The following CAGE1 variants were observed in gnomAD, a reference collection of about 807,000 sequenced individuals.
The protein encoded by CAGE1 is cancer antigen 1, also known as cancer-associated gene 1 protein.
CAGE1 carries 66 observed loss-of-function variants against 94.9 expected under a neutral mutation model. The observed-to-expected ratio is 0.70, with a 90% CI of 0.57 to 0.85. CAGE1 has a LOEUF of 0.85. CAGE1 is among the 40% of genes least tolerant of loss of function. The probability of loss-of-function intolerance (pLI) is 0.00; values close to 1 mark genes in which losing one functional copy is unlikely to be tolerated. For synonymous variants in CAGE1, 319 were observed against 321.0 expected (o/e 0.99, Z 0.07); for missense variants, 865 against 950.4 (o/e 0.91, Z 1.18).
intron 11 of CAGE1, among the ~76,000 whole-genome samples, chr6:7,353,952 A>G (rs1243390230): frequency 6.6e-6 from 1 of 152,036 alleles, no homozygotes; most frequent in Non-Finnish European, 1.5e-5. Context: ...GGAAGTGTGG[A>G]AGGGGGATGA....
rs938605361 is a variant in CAGE1, at chr6:7,386,007, C to T, written c.196-135G>A. The stretch of plus-strand genomic sequence containing the variant: ...GTAGAATGTGCTTTCTAGTATCTTT[C>T]CCCAGCATGTATTTGGCTCCCTTTT... On this transcript the variant is annotated intron_variant, in intron 2 of 13. Transcript: ENST00000502583. 2.9e-5 allele frequency: 14 copies of T among 481,438 alleles called. No individual in the cohort carries two copies. In the Admixed American group the frequency reaches 5.9e-4, roughly 20 times the overall value. The allele number at this position is 481,438 out of a possible 1,614,324, so 29.8% of individuals were successfully genotyped here. A position where few individuals can be genotyped will look rare whatever the true frequency, so the allele number is the denominator to read the frequency against.
chr6:7,352,301 A>AAAAC (rs1554137862), intron 11 of CAGE1, among the ~76,000 whole-genome samples: 36 of 112,628 alleles, frequency 3.2e-4, no homozygotes, highest in African/African-American at 1.3e-3. Context: ...AAAAAAAAAA[A>AAAAC]AAAACAAAAA....
chr6:7,343,873 G>A (rs917537523), intron 11 of CAGE1, among the ~76,000 whole-genome samples: 14 of 152,128 alleles, frequency 9.2e-5, no homozygotes, highest in Admixed American at 3.3e-4. Context: ...GATTGTGATG[G>A]GGACAAAGAT....
intron 9 of CAGE1, among the ~76,000 whole-genome samples, chr6:7,358,048 A>AGG (rs1760032521): frequency 8.4e-5 from 10 of 119,180 alleles, no homozygotes; most frequent in African/African-American, 3.3e-4. Context: ...ATATATATAT[A>AGG]TATATATATA....
chr6:7,331,985 T>C (rs1758769067), intron 12 of CAGE1, among the ~76,000 whole-genome samples: 1 of 152,198 alleles, frequency 6.6e-6, no homozygotes, highest in Non-Finnish European at 1.5e-5. Flanking sequence ...TTCTTTTGCT[T>C]ACTCTAAAGT....
intron 11 of CAGE1, among the ~76,000 whole-genome samples, chr6:7,345,315 C>CT (rs1311937998): frequency 2.0e-5 from 3 of 152,128 alleles, no homozygotes; most frequent in South Asian, 2.1e-4. Context: ...TATTTCTGAA[C>CT]CAGCGAGACC....
chr6:7,382,746 C>T (rs1760981039), intron 3 of CAGE1, among the ~76,000 whole-genome samples: 1 of 151,524 alleles, frequency 6.6e-6, no homozygotes, highest in Admixed American at 6.6e-5. Context: ...CCTGTTTCTA[C>T]AAAAACACAA....
intron 11 of CAGE1, among the ~76,000 whole-genome samples, chr6:7,350,066 G>A (rs1759714994): frequency 6.6e-6 from 1 of 152,090 alleles, no homozygotes; most frequent in South Asian, 2.1e-4. Flanking sequence ...GTGGAAAAAG[G>A]CATTTCATGC....
rs560673262 is a variant in CAGE1, at chr6:7,336,531, A to G, written c.2370-2441T>C. 3.3e-4 allele frequency among the ~76,000 whole-genome samples: 50 copies of G among 152,192 alleles called. No homozygotes were observed. The South Asian group carries it at 9.5e-3, about 29-fold the overall frequency. On this transcript the variant is annotated intron_variant, in intron 11 of 13. Coordinates refer to ENST00000502583, the MANE Select transcript of CAGE1 (RefSeq NM_001170692.2). Reference sequence around the variant, plus strand: ...TATTTCTTTCTTTTTTTCTTTTAAGACAGAGTCTTGATCTGTCGCCAAGAC... The same window carrying G: ...TATTTCTTTCTTTTTTTCTTTTAAGGCAGAGTCTTGATCTGTCGCCAAGAC...
Position 7,326,662 on chromosome 6 carries a change from A to G in CAGE1, c.*196T>C. 1.8e-6 allele frequency: 1 copy of G among 562,472 alleles called. No homozygotes were observed. Among genetic ancestry groups the G allele is most frequent in the Non-Finnish European group, 3.2e-6 (1 of 317,230 alleles). 34.8% of individuals were successfully genotyped at this position (562,472 alleles called of 1,614,324 possible). On this transcript the variant is annotated 3_prime_UTR_variant, in exon 14 of 14. Coordinates refer to ENST00000502583, the MANE Select transcript of CAGE1 (RefSeq NM_001170692.2). ...AAAAAACCACTGTATTCTTCTGTTT[A>G]TGTTAAATAGAATATATTTGATTAT... is the stretch of plus-strand genomic sequence containing the variant.
intron 5 of CAGE1, 63 bp from the exon 6 acceptor site, chr6:7,370,128 A>T: frequency 7.6e-7 from 1 of 1,320,924 alleles, no homozygotes. Flanking sequence ...TCTTTTAAGT[A>T]AAATGCTGAA....
chr6:7,348,479 C>G (rs755811735), intron 11 of CAGE1, among the ~76,000 whole-genome samples: 1 of 152,152 alleles, frequency 6.6e-6, no homozygotes, highest in Non-Finnish European at 1.5e-5. Flanking sequence ...AACCAGAAAA[C>G]CAACTCTGGT....
chr6:7,375,485 C>G (rs1296578846), intron 4 of CAGE1, among the ~76,000 whole-genome samples: 2 of 152,048 alleles, frequency 1.3e-5, no homozygotes, highest in Admixed American at 6.6e-5. Context: ...ACCTGTAATC[C>G]CAACACTTTG....
intron 1 of CAGE1, among the ~76,000 whole-genome samples, chr6:7,388,300 ATTAAGCTTCAGTCATCTG>A (rs1761203963): frequency 6.6e-6 from 1 of 152,180 alleles, no homozygotes; most frequent in African/African-American, 2.4e-5. Context: ...TTCCTTACGA[ATTAAGCTTCAGTCATCTG>A]CCCTGGCACG....
chr6:7,366,789 G>A (rs774938429), intron 7 of CAGE1, among the ~76,000 whole-genome samples: 3 of 151,752 alleles, frequency 2.0e-5, no homozygotes, highest in Admixed American at 6.6e-5. Flanking sequence ...CTGTGAGGAC[G>A]ACTCACAGTC....
intron 4 of CAGE1, among the ~76,000 whole-genome samples, chr6:7,374,999 A>C (rs1327811290): frequency 6.6e-6 from 1 of 152,188 alleles, no homozygotes; most frequent in Non-Finnish European, 1.5e-5. Flanking sequence ...ACACTACTGC[A>C]CTCCAGCCTG....
chr6:7,378,207 T>C (rs981263974), intron 4 of CAGE1, among the ~76,000 whole-genome samples: 16 of 152,294 alleles, frequency 1.1e-4, no homozygotes, highest in African/African-American at 2.4e-4. Flanking sequence ...AAAAAAATTA[T>C]GGTAAAAAAA....
chr6:7,387,529 A>G (rs566079202), intron 1 of CAGE1, among the ~76,000 whole-genome samples: 1 of 152,228 alleles, frequency 6.6e-6, no homozygotes, highest in African/African-American at 2.4e-5. Context: ...CTGGATTTTT[A>G]TTTACTTGAT....
intron 11 of CAGE1, among the ~76,000 whole-genome samples, chr6:7,345,463 C>G (rs1431931755): frequency 6.6e-6 from 1 of 152,096 alleles, no homozygotes; most frequent in African/African-American, 2.4e-5. Flanking sequence ...ACCAAGTAGC[C>G]CAAGTCCAGA....
Sources: allele counts gnomAD v4.1 joint callset (sites outside exome capture counted in the v4.1 genomes callset), GRCh38; gene constraint gnomAD v4.1.1; transcripts MANE v1.5; gene names NCBI Gene and HGNC (gene_info 2026-07-23, HGNC 2026-07-21).